NRG3: variants seen among roughly 807,000 people sequenced by gnomAD.
NRG3 encodes neuregulin 3.
In NRG3, 31 loss-of-function variants were observed where a neutral mutation model predicts 66.9. That is an observed-to-expected ratio of 0.46 (90% CI 0.35 to 0.63). The LOEUF (loss-of-function observed/expected upper bound fraction) is 0.63. Ranked by LOEUF, NRG3 falls within the 20% of genes least tolerant of loss-of-function variation. The pLI is 0.00. For synonymous variants in NRG3, 393 were observed against 359.4 expected (o/e 1.09, Z -1.06); for missense variants, 910 against 878.9 (o/e 1.04, Z -0.45).
At chr10:82,793,954 A>T (rs2060692788) in intron 3 of NRG3, among the ~76,000 whole-genome samples, 1 of 151,902 alleles carries the variant, frequency 6.6e-6, no homozygotes, top group African/African-American at 2.4e-5. Context: ...TCTTTCACTT[A>T]TTTTTTTTAC....
chr10:82,357,137 G>T (rs532666837), intron 1 of NRG3, among the ~76,000 whole-genome samples: 1 of 152,344 alleles, frequency 6.6e-6, no homozygotes, highest in Non-Finnish European at 1.5e-5. Flanking sequence ...GGAAGAAGGA[G>T]CAGTGTGACA....
chr10:82,858,431 C>T (rs2063927874), intron 3 of NRG3, among the ~76,000 whole-genome samples: 1 of 152,126 alleles, frequency 6.6e-6, no homozygotes, highest in South Asian at 2.1e-4. Flanking sequence ...TATCTCGGAG[C>T]AAGAACACAC....
intron 1 of NRG3, among the ~76,000 whole-genome samples, chr10:82,001,871 C>G (rs1392981219): frequency 6.6e-6 from 1 of 152,124 alleles, no homozygotes; most frequent in East Asian, 1.9e-4. Flanking sequence ...TGTTTGGGAC[C>G]TAATAAAGTT....
intron 6 of NRG3, among the ~76,000 whole-genome samples, chr10:82,964,943 C>T (rs1019687403): frequency 1.3e-5 from 2 of 152,154 alleles, no homozygotes; most frequent in South Asian, 2.1e-4. Flanking sequence ...CTATTGATTT[C>T]GGTGCACCAC....
chr10:82,779,425 C>T (rs1172114060), intron 3 of NRG3, among the ~76,000 whole-genome samples: 1 of 152,096 alleles, frequency 6.6e-6, no homozygotes, highest in African/African-American at 2.4e-5. Flanking sequence ...CTTCACGGAC[C>T]TACTCTACTT....
intron 2 of NRG3, among the ~76,000 whole-genome samples, chr10:82,400,699 C>G (rs1347625976): frequency 6.6e-6 from 1 of 151,730 alleles, no homozygotes; most frequent in Non-Finnish European, 1.5e-5. Context: ...TCCTGAGTAG[C>G]TAGGACAATA....
At chr10:82,961,293 A>T (rs978239179) in intron 6 of NRG3, among the ~76,000 whole-genome samples, 2 of 152,226 alleles carry the variant, frequency 1.3e-5, no homozygotes, top group African/African-American at 2.4e-5. Flanking sequence ...GATTGGAAAA[A>T]TTAATATTGT....
chr10:82,549,806 T>C (rs1359618558), intron 2 of NRG3, among the ~76,000 whole-genome samples: 1 of 151,924 alleles, frequency 6.6e-6, no homozygotes, highest in African/African-American at 2.4e-5. Flanking sequence ...AATAAGGTGA[T>C]GCTTGGGTGC....
chr10:82,448,901 A>G (rs903535411), intron 2 of NRG3, among the ~76,000 whole-genome samples: 4 of 152,196 alleles, frequency 2.6e-5, no homozygotes, highest in Admixed American at 1.3e-4. Flanking sequence ...TGAAAACTCT[A>G]TTATAAACTC....
intron 3 of NRG3, among the ~76,000 whole-genome samples, chr10:82,768,355 T>A (rs2059594177): frequency 6.6e-6 from 1 of 152,170 alleles, no homozygotes; most frequent in African/African-American, 2.4e-5. Context: ...TCCATGGACA[T>A]GTGGCCTTCA....
chr10:82,707,899 G>A (rs2056416819), intron 2 of NRG3, among the ~76,000 whole-genome samples: 1 of 146,000 alleles, frequency 6.8e-6, no homozygotes, highest in African/African-American at 2.5e-5. Flanking sequence ...GCGCATGCCT[G>A]TAATCCCAGC....
chr10:82,739,639 G>A (rs952869876), intron 3 of NRG3, among the ~76,000 whole-genome samples: 1 of 152,170 alleles, frequency 6.6e-6, no homozygotes, highest in Non-Finnish European at 1.5e-5. Flanking sequence ...ATTTACTCAA[G>A]TAAATGCAAA....
chr10:82,944,020 T>A (rs1458719220), intron 4 of NRG3, among the ~76,000 whole-genome samples: 1 of 152,162 alleles, frequency 6.6e-6, no homozygotes, highest in East Asian at 1.9e-4. Flanking sequence ...TAAAGTCAAA[T>A]CCAAAATTAC....
intron 4 of NRG3, among the ~76,000 whole-genome samples, chr10:82,942,713 G>A (rs977528007): frequency 1.3e-5 from 2 of 152,220 alleles, no homozygotes; most frequent in Admixed American, 6.5e-5. Flanking sequence ...GGAGCAGAAT[G>A]CATGGTTGTT....
intron 2 of NRG3, among the ~76,000 whole-genome samples, chr10:82,521,750 A>C (rs1436811798): frequency 5.3e-5 from 8 of 152,112 alleles, no homozygotes; most frequent in Non-Finnish European, 1.0e-4. Flanking sequence ...ATTTTTACCC[A>C]CAATAGAACT....
At chr10:82,482,018 A>G (rs118003518) in intron 2 of NRG3, among the ~76,000 whole-genome samples, 5,465 of 152,228 alleles carry the variant, frequency 0.036, 106 homozygotes, top group Non-Finnish European at 0.047. Context: ...TGTAGTAGAA[A>G]TACAGTATTA....
At chr10:82,636,469 C>A (rs1416408003) in intron 2 of NRG3, among the ~76,000 whole-genome samples, 1 of 152,114 alleles carries the variant, frequency 6.6e-6, no homozygotes, top group Non-Finnish European at 1.5e-5. Context: ...CAAAGGAGTT[C>A]TCAAAAAGAA....
chr10:82,280,229 T>A (rs935689367), intron 1 of NRG3, among the ~76,000 whole-genome samples: 1 of 152,302 alleles, frequency 6.6e-6, no homozygotes, highest in East Asian at 1.9e-4. Flanking sequence ...GGTGGAGCCA[T>A]GTATAACACT....
intron 4 of NRG3, among the ~76,000 whole-genome samples, chr10:82,937,732 T>G (rs902964710): frequency 1.3e-5 from 2 of 152,206 alleles, no homozygotes; most frequent in Non-Finnish European, 2.9e-5. Context: ...GTTTGAACAG[T>G]TGACTGACTG....
Sources: gnomAD v4.1 joint callset for allele counts (sites outside exome capture counted in the v4.1 genomes callset) on GRCh38, gnomAD v4.1.1 for gene constraint, MANE v1.5 for transcripts, NCBI Gene and HGNC (gene_info 2026-07-23, HGNC 2026-07-21) for gene names.